PTPRN2: variants seen among roughly 807,000 people sequenced by gnomAD.
The protein encoded by PTPRN2 is receptor-type tyrosine-protein phosphatase N2.
PTPRN2 carries 74 observed loss-of-function variants against 118.8 expected under a neutral mutation model. That is an observed-to-expected ratio of 0.62 (90% CI 0.52 to 0.76). The LOEUF is 0.76. PTPRN2 is among the 30% of genes least tolerant of loss of function. The probability of loss-of-function intolerance (pLI) is 0.00; values close to 1 mark genes in which losing one functional copy is unlikely to be tolerated. For synonymous variants in PTPRN2, 641 were observed against 608.0 expected, an observed-to-expected ratio of 1.05 and a Z score of -0.80; for missense variants, 1,481 against 1,394.4, an observed-to-expected ratio of 1.06 and a Z score of -0.99.
At chr7:157,821,258 T>G (rs1243008317) in intron 12 of PTPRN2, among the ~76,000 whole-genome samples, 2 of 152,226 alleles carry the variant, frequency 1.3e-5, no homozygotes, top group Non-Finnish European at 2.9e-5. Context: ...ACAACAAGAA[T>G]TCAGTTTTAG....
intron 12 of PTPRN2, among the ~76,000 whole-genome samples, chr7:157,762,092 C>T (rs1802166278): frequency 2.6e-5 from 4 of 151,918 alleles, no homozygotes; most frequent in Admixed American, 2.6e-4. Context: ...AGTCAGGAAA[C>T]AACAGGTGCT....
rs577233864 is a variant in PTPRN2 at position 158,061,296 on chromosome 7, C to G, written c.1723+20002G>C. Among the ~76,000 whole-genome samples, 4 of 152,376 alleles carry G rather than the reference C, an allele frequency of 2.6e-5. 1 individual carries two copies. Among genetic ancestry groups the G allele is most frequent in the African/African-American group, 9.6e-5 (4 of 41,602 alleles). ...CAAAGGACCCAGGGACCACTTAAAACAAGGGGAGGACTGAGTCCACGCAGG... is the reference window on the plus strand; with the variant it reads ...CAAAGGACCCAGGGACCACTTAAAAGAAGGGGAGGACTGAGTCCACGCAGG... On this transcript the variant is annotated intron_variant, in intron 11 of 22. Coordinates refer to ENST00000389418, the MANE Select transcript of PTPRN2 (RefSeq NM_002847.5).
chr7:157,875,593 A>G (rs1252479929), intron 12 of PTPRN2, among the ~76,000 whole-genome samples: 1 of 152,170 alleles, frequency 6.6e-6, no homozygotes, highest in Non-Finnish European at 1.5e-5. Flanking sequence ...CTCTTTCTCC[A>G]TCTCTTCTTG....
chr7:158,543,008 G>A (rs543631577), intron 1 of PTPRN2, among the ~76,000 whole-genome samples: 1 of 151,264 alleles, frequency 6.6e-6, no homozygotes, highest in Non-Finnish European at 1.5e-5. Flanking sequence ...GTCATGCGCC[G>A]GGTTGGGTCA....
chr7:157,814,558 G>A (rs1296485815), intron 12 of PTPRN2, among the ~76,000 whole-genome samples: 79 of 134,988 alleles, frequency 5.9e-4, no homozygotes, highest in Non-Finnish European at 1.1e-3. Context: ...GGACAGGGAC[G>A]GAGGAGAGAC....
intron 3 of PTPRN2, among the ~76,000 whole-genome samples, chr7:158,234,042 C>T (rs149013909): frequency 1.2e-4 from 18 of 152,254 alleles, no homozygotes; most frequent in African/African-American, 4.3e-4. Context: ...TAAGGAAACA[C>T]TCCAGGACAT....
intron 12 of PTPRN2, among the ~76,000 whole-genome samples, chr7:157,802,124 C>T (rs1304242541): frequency 2.0e-5 from 3 of 152,208 alleles, no homozygotes. Context: ...ACCGTGTTGA[C>T]ACTTCCCTGA....
intron 3 of PTPRN2, among the ~76,000 whole-genome samples, chr7:158,257,696 C>T (rs1797119868): frequency 1.3e-5 from 2 of 152,254 alleles, no homozygotes; most frequent in African/African-American, 4.8e-5. Flanking sequence ...TGCAGCTCCG[C>T]TCCTGGAGGA....
intron 2 of PTPRN2, among the ~76,000 whole-genome samples, chr7:158,337,585 G>A (rs1278010958): frequency 7.6e-6 from 1 of 130,928 alleles, no homozygotes; most frequent in Non-Finnish European, 1.7e-5. Flanking sequence ...GACACCTGCA[G>A]ACGTCACTCA....
intron 12 of PTPRN2, among the ~76,000 whole-genome samples, chr7:157,848,436 CTGA>C (rs943822246): frequency 6.6e-6 from 1 of 152,280 alleles, no homozygotes; most frequent in African/African-American, 2.4e-5. Context: ...TCATGTGTGC[CTGA>C]TGTTTACAGA....
intron 3 of PTPRN2, among the ~76,000 whole-genome samples, chr7:158,216,105 A>T (rs1182592203): frequency 1.3e-5 from 2 of 152,198 alleles, no homozygotes; most frequent in African/African-American, 4.8e-5. Flanking sequence ...AAATGTCATA[A>T]AGGAAGGTAA....
At chr7:157,792,083 C>A (rs2151077823) in intron 12 of PTPRN2, among the ~76,000 whole-genome samples, 1 of 152,362 alleles carries the variant, frequency 6.6e-6, no homozygotes. Context: ...GGCGAAGTGG[C>A]CCCTGCCTGG....
Position 157,604,737 on chromosome 7 carries a change from G to A in PTPRN2, c.2345-662C>T, listed in dbSNP as rs142452282. ...CTGGTGGAGACTGGCATAAAAACTC[G>A]CTCGGACAGACAGAGTAACCTGACG... On this transcript the variant is annotated intron_variant, in intron 15 of 22. Transcript: ENST00000389418. Among the ~76,000 whole-genome samples, 131 of 152,328 alleles carry A rather than the reference G, an allele frequency of 8.6e-4. 1 individual carries two copies. The highest frequency in any genetic ancestry group is 7.0e-3 in the South Asian group (34 of 4,824).
At chr7:157,952,190 C>A (rs533617591) in intron 11 of PTPRN2, among the ~76,000 whole-genome samples, 1 of 152,170 alleles carries the variant, frequency 6.6e-6, no homozygotes, top group Admixed American at 6.5e-5. Context: ...CCCCCCAGAG[C>A]CCCCCACAGA....
At chr7:158,320,122 GCCTCCCTCACACACACA>G in intron 2 of PTPRN2, among the ~76,000 whole-genome samples, 1 of 52,480 alleles carries the variant, frequency 1.9e-5, no homozygotes, top group Admixed American at 2.1e-4. Context: ...CACACACACA[GCCTCCCTCACACACACA>G]GCCTCCCTTG....
intron 12 of PTPRN2, among the ~76,000 whole-genome samples, chr7:157,766,334 TTCATCCATCCATCCA>T (rs1393540537): frequency 7.0e-6 from 1 of 141,888 alleles, no homozygotes; most frequent in Admixed American, 7.6e-5. Context: ...CCATCCTTCC[TTCATCCATCCATCCA>T]TCATCCATCT....
intron 13 of PTPRN2, among the ~76,000 whole-genome samples, chr7:157,668,741 G>T (rs1273317370): frequency 2.0e-5 from 3 of 152,198 alleles, no homozygotes; most frequent in Non-Finnish European, 4.4e-5. Context: ...CCTGCGCTCT[G>T]TCAGTTTGAC....
chr7:158,329,632 G>A (rs543107012), intron 2 of PTPRN2, among the ~76,000 whole-genome samples: 1 of 152,180 alleles, frequency 6.6e-6, no homozygotes, highest in Non-Finnish European at 1.5e-5. Flanking sequence ...AGAAATCAAT[G>A]TCTGCTGTTT....
rs1299349063 is a variant in PTPRN2, at chr7:157,578,141, C to T, written c.2497-1G>A. 2.5e-6 allele frequency: 4 copies of T among 1,606,638 alleles called. No homozygotes were observed. The South Asian group carries it at 4.4e-5, about 18-fold the overall frequency. On this transcript the variant is annotated splice_acceptor_variant, in intron 17 of 22. Coordinates refer to ENST00000389418, the MANE Select transcript of PTPRN2 (RefSeq NM_002847.5). LOFTEE classifies it high-confidence loss of function. ...CCACGCAGCCGCTCTCCCACACCAT[C>T]TGCGGACAAAGAAGGCCCGTGGCCG...
Sources: gnomAD v4.1 joint callset for allele counts (sites outside exome capture counted in the v4.1 genomes callset) on GRCh38, gnomAD v4.1.1 for gene constraint, MANE v1.5 for transcripts, NCBI Gene and HGNC (gene_info 2026-07-23, HGNC 2026-07-21) for gene names.